DIAPH3: variants seen among roughly 807,000 people sequenced by gnomAD.
DIAPH3 encodes protein diaphanous homolog 3.
A neutral mutation model predicts 144.3 loss-of-function variants in DIAPH3; 117 were observed. The ratio of observed to expected loss-of-function variants is 0.81; its 90% CI spans 0.70 to 0.95. The LOEUF is 0.95. Ranked by LOEUF, DIAPH3 falls within the 40% of genes least tolerant of loss-of-function variation. DIAPH3 has a pLI of 0.00. For missense variants in DIAPH3, 1,421 were observed against 1,412.7 expected (o/e 1.01, Z -0.09); for synonymous variants, 519 against 488.9 (o/e 1.06, Z -0.81).
chr13:59,974,843 T>C (rs561707499), intron 14 of DIAPH3, among the ~76,000 whole-genome samples: 1 of 152,238 alleles, frequency 6.6e-6, no homozygotes, highest in East Asian at 1.9e-4. Context: ...CAAAAACTTA[T>C]TCTTGAAACT....
intron 20 of DIAPH3, among the ~76,000 whole-genome samples, chr13:59,903,054 A>T (rs2140187209): frequency 6.6e-6 from 1 of 152,310 alleles, no homozygotes; most frequent in Middle Eastern, 3.4e-3. Context: ...AAGACAGTAG[A>T]TTCTGCCAAC....
intron 22 of DIAPH3, among the ~76,000 whole-genome samples, chr13:59,857,921 C>G (rs1165677142): frequency 6.6e-6 from 1 of 151,922 alleles, no homozygotes. Flanking sequence ...GAAAAGATAT[C>G]CAAAGAAGGG....
At chr13:59,834,316 C>T (rs551467912) in intron 23 of DIAPH3, among the ~76,000 whole-genome samples, 15 of 151,618 alleles carry the variant, frequency 9.9e-5, no homozygotes, top group African/African-American at 2.9e-4. Context: ...TAACATTTAA[C>T]GAAATGGAAC....
chr13:60,051,116 A>G (rs1001467612), intron 4 of DIAPH3, among the ~76,000 whole-genome samples: 1 of 152,166 alleles, frequency 6.6e-6, no homozygotes, highest in Non-Finnish European at 1.5e-5. Context: ...CACAAATTCA[A>G]GAAGAAAAGC....
chr13:59,970,983 C>T lies in DIAPH3; in HGVS notation c.1828G>A (p.Val610Met). 1 of 1,613,672 alleles carries T rather than the reference C, an allele frequency of 6.2e-7. No homozygotes were observed. Among genetic ancestry groups the T allele is most frequent in the South Asian group, 1.1e-5 (1 of 91,066 alleles). Reference protein sequence around the residue: ...PGMRMPFSGPVPPPPPLGFLG... With the variant: ...PGMRMPFSGPMPPPPPLGFLG... ...AATCCCAGGGGAGGTGGTGGAGGCA[C>T]AGGACCACTGAATGGCATCCGCATT... is the stretch of plus-strand genomic sequence containing the variant. The change falls in exon 16 of 28, where the codon GTG becomes ATG. Residue 610 changes from valine (V) to methionine (M), a missense_variant. Coordinates refer to ENST00000400324, the MANE Select transcript of DIAPH3 (RefSeq NM_001042517.2).
At chr13:59,829,138 A>G (rs1338594599) in intron 24 of DIAPH3, among the ~76,000 whole-genome samples, 2 of 152,004 alleles carry the variant, frequency 1.3e-5, no homozygotes, top group Non-Finnish European at 2.9e-5. Flanking sequence ...AACACTGAGG[A>G]GAGACTGTAT....
At chr13:60,075,362 T>C (rs2141371988) in intron 4 of DIAPH3, among the ~76,000 whole-genome samples, 1 of 152,332 alleles carries the variant, frequency 6.6e-6, no homozygotes, top group South Asian at 2.1e-4. Flanking sequence ...TTTTTATTTC[T>C]TCTAACTTTG....
At chr13:60,162,811 A>T (rs61958595) in intron 1 of DIAPH3, among the ~76,000 whole-genome samples, 3,375 of 68,188 alleles carry the variant, frequency 0.049, 85 homozygotes, top group East Asian at 0.23. Flanking sequence ...TCTCTCTCTC[A>T]CACACACACA....
At chr13:59,762,751 A>G (rs2037667851) in intron 27 of DIAPH3, among the ~76,000 whole-genome samples, 3 of 152,080 alleles carry the variant, frequency 2.0e-5, no homozygotes, top group African/African-American at 7.2e-5. Flanking sequence ...CTATGGTTTG[A>G]ATGGCTGTCC....
At position 59,974,383 on chromosome 13, in the gene DIAPH3, A is replaced by C. The variant is rs1232517125; in HGVS notation, c.1619T>G (p.Leu540Arg). Residue 540 changes from leucine to arginine, a missense_variant, in exon 15 of 28, where the codon CTT (leucine) becomes CGT (arginine). By Grantham distance (102) the Leu-to-Arg change is moderately radical (BLOSUM62 -2). Transcript: ENST00000400324. ...LQKKEAKINE[L>R]QAELQAFKSQ... ...CTTAAAAGCTTGTAGCTCTGCTTGAAGCTCATTAATCTTTGCCTCTTTTTT... is the reference window on the plus strand; with the variant it reads ...CTTAAAAGCTTGTAGCTCTGCTTGACGCTCATTAATCTTTGCCTCTTTTTT... 1.2e-6 allele frequency: 2 copies of C among 1,611,974 alleles called. No homozygotes were observed. Among genetic ancestry groups the C allele is most frequent in the African/African-American group, 1.3e-5 (1 of 74,604 alleles).
At chr13:60,162,933 A>G (rs570081239) in intron 1 of DIAPH3, among the ~76,000 whole-genome samples, 151 of 151,980 alleles carry the variant, frequency 9.9e-4, no homozygotes, top group Non-Finnish European at 8.5e-4. Context: ...TCAACCCTCT[A>G]TGTGATTTAT....
intron 17 of DIAPH3, among the ~76,000 whole-genome samples, chr13:59,956,272 T>C (rs905997925): frequency 1.3e-5 from 2 of 152,130 alleles, no homozygotes; most frequent in African/African-American, 4.8e-5. Flanking sequence ...GCCACTCCCA[T>C]CATAGGCCCG....
At chr13:60,156,939 A>ATATTTTTTTT in intron 1 of DIAPH3, among the ~76,000 whole-genome samples, 1 of 82,070 alleles carries the variant, frequency 1.2e-5, no homozygotes, top group Non-Finnish European at 2.3e-5. Flanking sequence ...ATATATATAT[A>ATATTTTTTTT]TTTTTTTTTT....
At chr13:59,711,432 A>G (rs2034731656) in intron 27 of DIAPH3, among the ~76,000 whole-genome samples, 1 of 152,016 alleles carries the variant, frequency 6.6e-6, no homozygotes. Flanking sequence ...CACTGACTCA[A>G]TGACTTCTTT....
intron 22 of DIAPH3, among the ~76,000 whole-genome samples, chr13:59,847,611 C>G (rs1013474256): frequency 1.3e-5 from 2 of 152,160 alleles, no homozygotes; most frequent in African/African-American, 4.8e-5. Flanking sequence ...AGGTGCATAA[C>G]AGAAATGTTT....
intron 8 of DIAPH3, among the ~76,000 whole-genome samples, chr13:60,009,118 G>A (rs1474452323): frequency 6.6e-6 from 1 of 152,136 alleles, no homozygotes; most frequent in Non-Finnish European, 1.5e-5. Context: ...GCACTCTTAT[G>A]CCTCACAAGT....
At chr13:59,739,229 A>G (rs769166263) in intron 27 of DIAPH3, among the ~76,000 whole-genome samples, 10 of 151,890 alleles carry the variant, frequency 6.6e-5, no homozygotes. Context: ...TGTATAAAAT[A>G]AACTGACTAC....
Position 59,736,016 on chromosome 13 carries a change from C to T in DIAPH3, c.3319+38173G>A, listed in dbSNP as rs192555303. 2.0e-5 allele frequency among the ~76,000 whole-genome samples: 3 copies of T among 152,212 alleles called. No individual in the cohort carries two copies. In the East Asian group the frequency reaches 5.8e-4, roughly 29 times the overall value. ...TCCATGTGTTATCATCATTTAGCTCCTACTTATAAGTAAGAACATGCAGCA... is the reference window on the plus strand; with the variant it reads ...TCCATGTGTTATCATCATTTAGCTCTTACTTATAAGTAAGAACATGCAGCA... On this transcript the variant is annotated intron_variant, in intron 27 of 27. Transcript: ENST00000400324.
chr13:59,958,171 GTAT>G (rs1419285546), intron 17 of DIAPH3, among the ~76,000 whole-genome samples: 1 of 151,954 alleles, frequency 6.6e-6, no homozygotes, highest in African/African-American at 2.4e-5. Context: ...TTTATATACT[GTAT>G]TTTTAATTAT....
Sources: allele counts gnomAD v4.1 joint callset (sites outside exome capture counted in the v4.1 genomes callset), GRCh38; gene constraint gnomAD v4.1.1; transcripts MANE v1.5; gene names NCBI Gene and HGNC (gene_info 2026-07-23, HGNC 2026-07-21).